The following ABCA13 variants were observed in gnomAD, a reference collection of about 807,000 sequenced individuals.
ABCA13 encodes the protein ATP-binding cassette sub-family A member 13.
In ABCA13, 476 loss-of-function variants were observed where a neutral mutation model predicts 478.7. The observed-to-expected ratio is 0.99, with a 90% confidence interval of 0.92 to 1.07. ABCA13 has a LOEUF of 1.07. ABCA13 is among the 50% of genes least tolerant of loss of function. The pLI is 0.00. For missense variants in ABCA13, 6,060 were observed against 5,910.6 expected, an observed-to-expected ratio of 1.03 and a Z score of -0.83; for synonymous variants, 2,252 against 2,158.9, an observed-to-expected ratio of 1.04 and a Z score of -1.20.
At chr7:48,471,713 G>A in intron 45 of ABCA13, 114 bp downstream of exon 45, 2 of 1,005,650 alleles carry the variant, frequency 2.0e-6, no homozygotes, top group Non-Finnish European at 1.5e-6. Context: ...TAACTTTTTG[G>A]TTTCCTGGAT....
At chr7:48,235,318 T>C (rs1789783269) in intron 8 of ABCA13, among the ~76,000 whole-genome samples, 1 of 152,360 alleles carries the variant, frequency 6.6e-6, no homozygotes, top group Non-Finnish European at 1.5e-5. Flanking sequence ...TGGCTGACTT[T>C]TATTCTAGTT....
Position 48,272,994 on chromosome 7 carries a change from G to C in ABCA13, c.3328G>C (p.Val1110Leu). 3.7e-6 allele frequency: 6 copies of C among 1,613,498 alleles called. No individual in the cohort carries two copies. Among genetic ancestry groups the C allele is most frequent in the Non-Finnish European group, 5.1e-6 (6 of 1,179,664 alleles). The change falls in exon 17 of 62, where the codon GTA becomes CTA. Residue 1110 changes from valine (V) to leucine (L), a missense_variant. Physicochemically the swap from Val to Leu is conservative, Grantham distance 32. Coordinates refer to ENST00000435803, the MANE Select transcript of ABCA13 (RefSeq NM_152701.5). ...TTCGGACAATAAACACATTTCTTCC[G>C]TAAATTATTCAACAAGTGAGGAGTC... is the stretch of plus-strand genomic sequence containing the variant. Reference protein sequence around the residue: ...LISDNKHISSVNYSTSEESSF... With the variant: ...LISDNKHISSLNYSTSEESSF...
At chr7:48,460,922 A>T (rs1378598556) in intron 43 of ABCA13, among the ~76,000 whole-genome samples, 5 of 152,232 alleles carry the variant, frequency 3.3e-5, no homozygotes, top group Admixed American at 3.3e-4. Context: ...TGATCCAGTG[A>T]TGTTAACATT....
chr7:48,573,714 A>G (rs1787897461), intron 55 of ABCA13, among the ~76,000 whole-genome samples: 1 of 152,148 alleles, frequency 6.6e-6, no homozygotes, highest in African/African-American at 2.4e-5. Flanking sequence ...AAGCTCAGCT[A>G]CAGAGTGAGA....
At chr7:48,188,170 G>T (rs1234718351) in intron 1 of ABCA13, among the ~76,000 whole-genome samples, 4 of 152,148 alleles carry the variant, frequency 2.6e-5, no homozygotes, top group African/African-American at 9.7e-5. Context: ...CATCTGAGAT[G>T]CAATACAACC....
intron 37 of ABCA13, among the ~76,000 whole-genome samples, chr7:48,389,636 A>G (rs574399004): frequency 6.6e-6 from 1 of 152,190 alleles, no homozygotes; most frequent in Admixed American, 6.5e-5. Flanking sequence ...TAAACACCTG[A>G]TTATTTTTCT....
chr7:48,597,452 C>T (rs1199216692), intron 58 of ABCA13, among the ~76,000 whole-genome samples: 1 of 152,098 alleles, frequency 6.6e-6, no homozygotes, highest in African/African-American at 2.4e-5. Flanking sequence ...TATGTATAGA[C>T]ATGTTTTAAT....
intron 20 of ABCA13, among the ~76,000 whole-genome samples, chr7:48,288,503 A>G (rs1422849633): frequency 2.0e-5 from 3 of 152,198 alleles, no homozygotes; most frequent in African/African-American, 7.2e-5. Context: ...TTGTATCCAC[A>G]TGATGGAAAT....
At chr7:48,442,409 G>A (rs1823744134) in intron 42 of ABCA13, among the ~76,000 whole-genome samples, 2 of 152,180 alleles carry the variant, frequency 1.3e-5, no homozygotes, top group South Asian at 4.1e-4. Flanking sequence ...CTCTCATCCA[G>A]GCACAATGCC....
chr7:48,599,032 A>G (rs1421653937), intron 58 of ABCA13, among the ~76,000 whole-genome samples: 1 of 151,988 alleles, frequency 6.6e-6, no homozygotes, highest in Non-Finnish European at 1.5e-5. Context: ...ATCCATTGAT[A>G]TGTATGCTTA....
chr7:48,511,286 T>G, intron 51 of ABCA13, 87 bp downstream of exon 51: 1 of 1,041,418 alleles, frequency 9.6e-7, no homozygotes, highest in East Asian at 2.5e-5. Flanking sequence ...TGCTGTCGAC[T>G]TCATGATTTC....
At chr7:48,411,514 G>A (rs1265540286) in intron 40 of ABCA13, among the ~76,000 whole-genome samples, 1 of 151,986 alleles carries the variant, frequency 6.6e-6, no homozygotes, top group African/African-American at 2.4e-5. Flanking sequence ...TACCATGTTG[G>A]CCAGGCTGGT....
intron 1 of ABCA13, among the ~76,000 whole-genome samples, chr7:48,173,103 G>GT (rs913720619): frequency 5.3e-5 from 8 of 152,170 alleles, no homozygotes; most frequent in Non-Finnish European, 8.8e-5. Flanking sequence ...GGATACTTGA[G>GT]TTTTAAAAAA....
rs566900315 is a variant in ABCA13, at chr7:48,185,176, G to C, written c.70-7783G>C. Reference sequence around the variant, plus strand: ...TTTTATAGCACAATTTGTTGCAGAAGAAATTATTGTCCCTTTGATTTGTCA... The same window carrying C: ...TTTTATAGCACAATTTGTTGCAGAACAAATTATTGTCCCTTTGATTTGTCA... On this transcript the variant is annotated intron_variant, in intron 1 of 61. Coordinates refer to ENST00000435803, the MANE Select transcript of ABCA13 (RefSeq NM_152701.5). Among the ~76,000 whole-genome samples the C allele has an allele frequency of 1.2e-3, 186 of 152,266 alleles. 2 individuals are homozygous for C. The highest frequency in any genetic ancestry group is 4.1e-3 in the African/African-American group (172 of 41,548).
chr7:48,512,517 C>A (rs543997943), intron 51 of ABCA13, among the ~76,000 whole-genome samples: 4 of 152,270 alleles, frequency 2.6e-5, no homozygotes, highest in Admixed American at 1.3e-4. Context: ...GCTCTAAGAA[C>A]ACAGTTTGAT....
chr7:48,485,581 G>T (rs1829214237), intron 47 of ABCA13, among the ~76,000 whole-genome samples: 2 of 152,134 alleles, frequency 1.3e-5, no homozygotes, highest in Non-Finnish European at 2.9e-5. Flanking sequence ...TCAAGTAAAG[G>T]CCAGTTTATA....
At chr7:48,569,134 T>C (rs1787364009) in intron 55 of ABCA13, among the ~76,000 whole-genome samples, 1 of 152,106 alleles carries the variant, frequency 6.6e-6, no homozygotes, top group South Asian at 2.1e-4. Flanking sequence ...CTCAAATCAT[T>C]ATTTTTTTAT....
intron 20 of ABCA13, among the ~76,000 whole-genome samples, chr7:48,290,933 A>G (rs189917903): frequency 0.022 from 2,610 of 118,868 alleles, 114 homozygotes; most frequent in African/African-American, 0.084. Flanking sequence ...AGAGCTTCAC[A>G]CTCAGGGAAA....
At chr7:48,193,431 AAAT>A (rs1183032445) in intron 2 of ABCA13, among the ~76,000 whole-genome samples, 13 of 151,936 alleles carry the variant, frequency 8.6e-5, no homozygotes, top group African/African-American at 3.1e-4. Flanking sequence ...GGTGGTGAGA[AAAT>A]AATGATGCTG....
Sources: allele counts gnomAD v4.1 joint callset (sites outside exome capture counted in the v4.1 genomes callset), GRCh38; gene constraint gnomAD v4.1.1; transcripts MANE v1.5; gene names NCBI Gene and HGNC (gene_info 2026-07-23, HGNC 2026-07-21).